The following PAGE3 variants were observed in gnomAD, a reference collection of about 807,000 sequenced individuals.
The protein encoded by PAGE3 is P antigen family member 3.
Under a neutral mutation model 3.8 loss-of-function variants are expected in PAGE3, and 9 were observed. The observed-to-expected ratio is 2.36, with a 90% confidence interval of 1.42 to 4.12. The LOEUF (loss-of-function observed/expected upper bound fraction) is 4.12, where lower values mean the gene tolerates loss of function less well. Ranked by LOEUF, PAGE3 falls within the 30% of genes most tolerant of loss-of-function variation. The probability of loss-of-function intolerance (pLI) is 0.00; values close to 1 mark genes in which losing one functional copy is unlikely to be tolerated. For synonymous variants in PAGE3, 24 were observed against 13.1 expected, an observed-to-expected ratio of 1.83 and a Z score of -1.79; for missense variants, 73 against 37.8, an observed-to-expected ratio of 1.93 and a Z score of -2.44.
intron 4 of PAGE3, among the ~76,000 whole-genome samples, chrX:55,260,004 T>C (rs1003942673): frequency 1.9e-4 from 21 of 111,651 alleles, no homozygotes; most frequent in Non-Finnish European, 3.8e-4. Context: ...CTCATATAAC[T>C]AATGCCTAGA....
chrX:55,260,484 AT>A, intron 4 of PAGE3, 49 bp downstream of exon 4: 1 of 530,057 alleles, frequency 1.9e-6, no homozygotes, highest in Admixed American at 2.3e-5. Flanking sequence ...AATATATAGT[AT>A]TTTTGAAAAC....
At chrX:55,262,721 T>C (rs1193569449) in intron 3 of PAGE3, among the ~76,000 whole-genome samples, 1 of 102,000 alleles carries the variant, frequency 9.8e-6, no homozygotes, top group African/African-American at 3.6e-5. Context: ...TATATATATA[T>C]ATATATATAT....
In PAGE3 at chrX:55,263,874, T is replaced by C. The variant is rs765373903; in HGVS notation, c.30A>G (p.Arg10=). 1.8e-6 allele frequency: 1 copy of C among 569,221 alleles called. No homozygotes were observed. The highest frequency in any genetic ancestry group is 2.2e-5 in the South Asian group (1 of 44,460). The allele number at this position is 569,221 out of a possible 1,213,427, so 46.9% of individuals were successfully genotyped here. A position where few individuals can be genotyped will look rare whatever the true frequency, so the allele number is the denominator to read the frequency against. Reference sequence around the variant, plus strand: ...CTTGATCATCTCTTCTTTCTCTAGATCTGGATCTTGTTCTTTGATGTCCAC... The same window carrying C: ...CTTGATCATCTCTTCTTTCTCTAGACCTGGATCTTGTTCTTTGATGTCCAC... MSGHQRTRS[R]SRERRDDQDS... is the part of the protein sequence containing the mutation. The change falls in exon 2 of 5, where the codon AGA becomes AGG. Residue 10 remains arginine, a synonymous_variant. Coordinates refer to ENST00000374951, the MANE Select transcript of PAGE3 (RefSeq NM_001017931.3).
At position 55,258,468 on chromosome X, in the gene PAGE3, A is replaced by G. The variant is rs1247290578; in HGVS notation, c.*38T>C. ...GAGAATTTTACTGGTGAAGTTTCCA[A>G]CATAAAGACTGCATGTATGGTTTCA... On this transcript the variant is annotated 3_prime_UTR_variant, in exon 5 of 5. Transcript: ENST00000374951. 1.3e-5 allele frequency: 7 copies of G among 553,270 alleles called. No homozygotes were observed. The Middle Eastern group carries it at 9.3e-4, about 73-fold the overall frequency. 45.6% of individuals were successfully genotyped at this position (553,270 alleles called of 1,213,427 possible).
chrX:55,263,344 T>C lies in PAGE3; in HGVS notation c.100A>G (p.Ser34Gly). 1 of 569,422 alleles carries C rather than the reference T, an allele frequency of 1.8e-6. No homozygotes were observed. The highest frequency in any genetic ancestry group is 2.2e-5 in the Admixed American group (1 of 45,019). 46.9% of individuals were successfully genotyped at this position (569,422 alleles called of 1,213,427 possible). ...TCCTCTTGTTGAAGCTGGTCATTAC[T>C]GGGCAGCTCCTGGGCCTAGGAATAT... is the stretch of plus-strand genomic sequence containing the variant. The part of the protein sequence containing the change: ...VGAVVAQELP[S>G]NDQLQQEEPP... Residue 34 changes from serine (S) to glycine (G), a missense_variant, in exon 3 of 5, where the codon AGT (serine) becomes GGT (glycine). Coordinates refer to ENST00000374951, the MANE Select transcript of PAGE3 (RefSeq NM_001017931.3).
chrX:55,262,234 G>A (rs981575698), intron 3 of PAGE3, among the ~76,000 whole-genome samples: 1 of 111,463 alleles, frequency 9.0e-6, no homozygotes, highest in Non-Finnish European at 1.9e-5. Flanking sequence ...GATAATCGTA[G>A]GTACATAACC....
chrX:55,263,699 C>T (rs1185125559), intron 2 of PAGE3, 121 bp downstream of exon 2: 8 of 430,741 alleles, frequency 1.9e-5, no homozygotes, highest in Middle Eastern at 4.5e-4. Context: ...GTTTACTTCA[C>T]GAGATTCAAT....
At chrX:55,260,477 A>G in intron 4 of PAGE3, 57 bp downstream of exon 4, 1 of 518,873 alleles carries the variant, frequency 1.9e-6, no homozygotes, top group Non-Finnish European at 3.6e-6. Flanking sequence ...ATTATAAAAT[A>G]TATAGTATTT....
intron 4 of PAGE3, among the ~76,000 whole-genome samples, chrX:55,259,706 T>A (rs567776296): frequency 9.0e-6 from 1 of 111,096 alleles, no homozygotes; most frequent in Non-Finnish European, 1.9e-5. Context: ...CTTATACCTG[T>A]CTTTTATTAA....
At chrX:55,260,731 C>T in intron 3 of PAGE3, 72 bp from the exon 4 acceptor site, 1 of 432,052 alleles carries the variant, frequency 2.3e-6, no homozygotes. Context: ...ATAATATTCA[C>T]TCCCTCAATG....
Position 55,263,295 on chromosome X carries a change from T to C in PAGE3, c.149A>G (p.Tyr50Cys), listed in dbSNP as rs1938327315. ...QEEPPIESQD[Y>C]TPGQERDEGA... ...CTCGTCTCTCTCTTGACCAGGTGTATAATCCTGACTTTCAATTGGTGGTTC... is the reference window on the plus strand; with the variant it reads ...CTCGTCTCTCTCTTGACCAGGTGTACAATCCTGACTTTCAATTGGTGGTTC... The change falls in exon 3 of 5, where the codon TAT (tyrosine) becomes TGT (cysteine). Residue 50 changes from tyrosine to cysteine, a missense_variant. Tyr to Cys is a radical substitution (Grantham distance 194, BLOSUM62 -2). Coordinates refer to ENST00000374951, the MANE Select transcript of PAGE3 (RefSeq NM_001017931.3). 1.8e-6 allele frequency: 1 copy of C among 570,448 alleles called. No individual in the cohort carries two copies. Among genetic ancestry groups the C allele is most frequent in the Admixed American group, 2.2e-5 (1 of 45,146 alleles). 47.0% of individuals were successfully genotyped at this position (570,448 alleles called of 1,213,427 possible). A position where few individuals can be genotyped will look rare whatever the true frequency, so the allele number is the denominator to read the frequency against.
chrX:55,260,032 T>G (rs1477195615), intron 4 of PAGE3, among the ~76,000 whole-genome samples: 2 of 111,626 alleles, frequency 1.8e-5, no homozygotes, highest in Non-Finnish European at 3.8e-5. Flanking sequence ...AAAAAACATG[T>G]GTAAAACGTA....
intron 4 of PAGE3, 55 bp downstream of exon 4, chrX:55,260,479 A>G (rs1287762799): frequency 3.8e-6 from 2 of 520,078 alleles, no homozygotes; most frequent in African/African-American, 4.7e-5. Context: ...TATAAAATAT[A>G]TAGTATTTTT....
intron 4 of PAGE3, 43 bp downstream of exon 4, chrX:55,260,491 A>G (rs1309267841): frequency 3.7e-6 from 2 of 539,497 alleles, no homozygotes; most frequent in Non-Finnish European, 6.8e-6. Context: ...AGTATTTTTG[A>G]AAACAGAAAC....
chrX:55,262,736 A>C, intron 3 of PAGE3, among the ~76,000 whole-genome samples: 1 of 99,272 alleles, frequency 1.0e-5, no homozygotes, highest in Admixed American at 1.1e-4. Flanking sequence ...ATATATATGT[A>C]ATATATATAT....
intron 3 of PAGE3, among the ~76,000 whole-genome samples, chrX:55,262,432 G>A (rs1051554358): frequency 1.8e-5 from 2 of 111,083 alleles, no homozygotes; most frequent in African/African-American, 6.5e-5. Context: ...ATCACATTCT[G>A]TTCCACTGAA....
chrX:55,263,500 C>T, intron 2 of PAGE3, 141 bp from the exon 3 acceptor site: 1 of 420,687 alleles, frequency 2.4e-6, no homozygotes, highest in South Asian at 4.3e-5. Context: ...TCTACATATA[C>T]TTATTCTTAA....
intron 4 of PAGE3, among the ~76,000 whole-genome samples, chrX:55,258,922 C>A (rs976273641): frequency 9.0e-6 from 1 of 111,498 alleles, no homozygotes; most frequent in Non-Finnish European, 1.9e-5. Context: ...TATAGGATAG[C>A]TCAAACAGTA....
At chrX:55,260,451 G>T (rs1177703819) in intron 4 of PAGE3, 83 bp downstream of exon 4, 1 of 463,909 alleles carries the variant, frequency 2.2e-6, no homozygotes, top group Non-Finnish European at 3.9e-6. Flanking sequence ...TATATTAGCA[G>T]TAGTGGTACC....
Sources: allele counts gnomAD v4.1 joint callset (sites outside exome capture counted in the v4.1 genomes callset), GRCh38; gene constraint gnomAD v4.1.1; transcripts MANE v1.5; gene names NCBI Gene and HGNC (gene_info 2026-07-23, HGNC 2026-07-21).